Variants in LITAF observed in about 807,000 individuals in gnomAD.
The protein encoded by LITAF is lipopolysaccharide induced TNF factor, also known as lipopolysaccharide-induced tumor necrosis factor-alpha factor.
A neutral mutation model predicts 14.5 loss-of-function variants in LITAF; 9 were observed. That is an observed-to-expected ratio of 0.62 (90% CI 0.37 to 1.08). LITAF has a LOEUF of 1.08. Among genes scored for constraint, LITAF ranks in the 50% least tolerant of loss-of-function variants. LITAF has a pLI of 0.01. For synonymous variants in LITAF, 98 were observed against 88.2 expected (o/e 1.11, Z -0.62); for missense variants, 206 against 213.4 (o/e 0.97, Z 0.22).
At chr16:11,639,757 G>A (rs558662653), upstream of LITAF, among the ~76,000 whole-genome samples, 1 of 152,254 alleles carries the variant, frequency 6.6e-6, no homozygotes, top group South Asian at 2.1e-4. Context: ...CAATTTGGGA[G>A]GCCGAGGAGG....
At chr16:11,568,748 C>T (rs1367676190) in intron 1 of LITAF, among the ~76,000 whole-genome samples, 3 of 150,962 alleles carry the variant, frequency 2.0e-5, no homozygotes, top group Admixed American at 6.6e-5. Flanking sequence ...GCCACGACCT[C>T]GGCTCACTGC....
chr16:11,602,133 G>A (rs754064894), upstream of LITAF, among the ~76,000 whole-genome samples: 2 of 152,140 alleles, frequency 1.3e-5, no homozygotes, highest in Non-Finnish European at 2.9e-5. Flanking sequence ...AGGCCGAGGC[G>A]GACGGATTGC....
rs145581771 is a variant in LITAF at position 11,613,734 on chromosome 16, G to A, written c.85+19799C>T. Among the ~76,000 whole-genome samples, 6 of 152,330 alleles carry A rather than the reference G, an allele frequency of 3.9e-5. No homozygotes were observed. The East Asian group carries it at 5.8e-4, about 15-fold the overall frequency. ...CCGGACGGAGGGTGTGGCGTGTGCCGGCTAGGCAGTTCACACTGGTGGAAC... is the reference window on the plus strand; with the variant it reads ...CCGGACGGAGGGTGTGGCGTGTGCCAGCTAGGCAGTTCACACTGGTGGAAC... On this transcript the variant is annotated intron_variant, in intron 3 of 3. Coordinates refer to the LITAF transcript ENST00000574848.
Position 11,592,762 on chromosome 16 carries a change from A to C in LITAF, c.-6+5626T>G, listed in dbSNP as rs568433071. On this transcript the variant is annotated intron_variant, in intron 1 of 3. Coordinates refer to the LITAF transcript ENST00000571627. Reference sequence around the variant, plus strand: ...TACAAAAAAAAATTTGGGGTCGGGCACGGTGGCTCATGCCTGTAATCCTAA... The same window carrying C: ...TACAAAAAAAAATTTGGGGTCGGGCCCGGTGGCTCATGCCTGTAATCCTAA... 4.1e-3 allele frequency among the ~76,000 whole-genome samples: 617 copies of C among 152,076 alleles called. 3 individuals carry two copies. The highest frequency in any genetic ancestry group is 0.021 in the South Asian group (103 of 4,814).
chr16:11,623,470 GCCAGCATGGTGAAACC>G (rs2065063710), intron 3 of LITAF, among the ~76,000 whole-genome samples: 1 of 151,266 alleles, frequency 6.6e-6, no homozygotes, highest in Admixed American at 6.6e-5. Flanking sequence ...AACCAGCCCG[GCCAGCATGGTGAAACC>G]CCATCTCTAC....
chr16:11,561,300 C>A (rs2064361567), intron 1 of LITAF: 1 of 152,230 alleles, frequency 6.6e-6, no homozygotes, highest in South Asian at 2.1e-4. Context: ...CCTGCAAAAA[C>A]CACGGCCTCT....
chr16:11,598,730 T>C (rs74411503), upstream of LITAF, among the ~76,000 whole-genome samples: 184 of 152,230 alleles, frequency 1.2e-3, no homozygotes, highest in African/African-American at 4.3e-3. Context: ...CCAGAACCTA[T>C]GTTTTTGTTC....
At position 11,573,086 on chromosome 16, in the gene LITAF, G is replaced by A. The variant is rs181198695; in HGVS notation, c.-6+13800C>T. Among the ~76,000 whole-genome samples, 182 of 152,006 alleles carry A rather than the reference G, an allele frequency of 1.2e-3. 1 individual carries two copies. Among genetic ancestry groups the A allele is most frequent in the African/African-American group, 4.0e-3 (167 of 41,460 alleles). The stretch of plus-strand genomic sequence containing the variant: ...TGGGACTACAGGCGTGTGCCACCAC[G>A]CCTGGCTAACTTTTTGTATTTTTGG... On this transcript the variant is annotated intron_variant, in intron 1 of 3. Transcript: ENST00000622633.
chr16:11,597,336 C>A (rs908346263), intron 1 of LITAF, among the ~76,000 whole-genome samples: 1 of 152,092 alleles, frequency 6.6e-6, no homozygotes, highest in African/African-American at 2.4e-5. Flanking sequence ...ATTCCACAAC[C>A]CACTGGGGGT....
chr16:11,611,645 C>A (rs1303777954), intron 3 of LITAF, among the ~76,000 whole-genome samples: 2 of 150,826 alleles, frequency 1.3e-5, no homozygotes, highest in Non-Finnish European at 3.0e-5. Flanking sequence ...TTTTTTCTTT[C>A]TTTCTTTTCT....
At chr16:11,566,603 ACAAT>A (rs766488535) in intron 1 of LITAF, among the ~76,000 whole-genome samples, 23 of 152,188 alleles carry the variant, frequency 1.5e-4, no homozygotes, top group Non-Finnish European at 3.1e-4. Flanking sequence ...ATCTCTACTA[ACAAT>A]CAAACAAATC....
At chr16:11,592,853 T>C (rs906133109) in intron 1 of LITAF, among the ~76,000 whole-genome samples, 2 of 151,912 alleles carry the variant, frequency 1.3e-5, no homozygotes, top group African/African-American at 4.8e-5. Flanking sequence ...CTGGCCTATG[T>C]GGCGAAACCC....
intron 3 of LITAF, chr16:11,551,921 T>A (rs1382029291): frequency 1.4e-5 from 1 of 72,850 alleles, no homozygotes; most frequent in Non-Finnish European, 2.5e-5. Context: ...GGCAATGGAC[T>A]TTTTTTTTTT....
At position 11,553,483 on chromosome 16, in the gene LITAF, C is replaced by A. The variant is rs778586892; in HGVS notation, c.377+50G>T. On this transcript the variant is annotated intron_variant, in intron 3 of 3. Coordinates refer to ENST00000622633, the MANE Select transcript of LITAF (RefSeq NM_001136472.2). The surrounding 1 kb of genome is among the most constrained non-coding windows in gnomAD (Gnocchi z 7.7). ...AGTTGAGAACCCACCCCCGCCAGCACCCAGAGAGAAGGGCAGGATGGCTTG... is the reference window on the plus strand; with the variant it reads ...AGTTGAGAACCCACCCCCGCCAGCAACCAGAGAGAAGGGCAGGATGGCTTG... The A allele has an allele frequency of 1.0e-5, 16 of 1,607,060 alleles. No individual in the cohort carries two copies. The highest frequency in any genetic ancestry group is 1.7e-5 in the Admixed American group (1 of 59,872).
rs1050034043 is a variant in LITAF at position 11,553,803 on chromosome 16, T to C, written c.221-114A>G. On this transcript the variant is annotated intron_variant, in intron 2 of 3. Transcript: ENST00000622633. This position sits in a 1 kb window ranked among gnomAD's most constrained non-coding sequence, Gnocchi z 7.7. ...GCCAGCAAATATTATATTTGTACAT[T>C]TGTGTTCATAGCATGCGTTCATCGT... 2 of 1,237,952 alleles carry C rather than the reference T, an allele frequency of 1.6e-6. No homozygotes were observed. The highest frequency in any genetic ancestry group is 2.0e-5 in the Admixed American group (1 of 50,804). 76.7% of individuals were successfully genotyped at this position (1,237,952 alleles called of 1,614,324 possible).
intron 3 of LITAF, among the ~76,000 whole-genome samples, chr16:11,617,801 G>A (rs2141888576): frequency 6.6e-6 from 1 of 152,122 alleles, no homozygotes; most frequent in East Asian, 1.9e-4. Flanking sequence ...AAGCCTCTTT[G>A]AAGGTGTTAA....
rs1253896626 is a variant in LITAF, at chr16:11,553,167, C to G, written c.377+366G>C. On this transcript the variant is annotated intron_variant, in intron 3 of 3. Coordinates refer to ENST00000622633, the MANE Select transcript of LITAF (RefSeq NM_001136472.2). This position sits in a 1 kb window ranked among gnomAD's most constrained non-coding sequence, Gnocchi z 7.7. ...GGCACAGTGGCTCACACCTGTAACCCCAGCAGTTTGGGAGGCCAAGGTGGG... is the reference window on the plus strand; with the variant it reads ...GGCACAGTGGCTCACACCTGTAACCGCAGCAGTTTGGGAGGCCAAGGTGGG... Among the ~76,000 whole-genome samples, 2 of 151,616 alleles carry G rather than the reference C, an allele frequency of 1.3e-5. No individual in the cohort carries two copies. The highest frequency in any genetic ancestry group is 3.9e-4 in the East Asian group (2 of 5,156).
chr16:11,604,644 TAAAAAAA>T (rs67633068), intron 3 of LITAF, among the ~76,000 whole-genome samples: 2 of 128,588 alleles, frequency 1.6e-5, no homozygotes, highest in Non-Finnish European at 1.6e-5. Flanking sequence ...CTGTCTCTCT[TAAAAAAA>T]AAAAAAAAAA....
intron 1 of LITAF, among the ~76,000 whole-genome samples, chr16:11,568,248 A>G (rs774251808): frequency 2.0e-5 from 3 of 150,884 alleles, no homozygotes; most frequent in African/African-American, 4.9e-5. Context: ...TGTTTGCACT[A>G]CTGCACTCCA....
Sources: allele counts gnomAD v4.1 joint callset (sites outside exome capture counted in the v4.1 genomes callset), GRCh38; gene constraint gnomAD v4.1.1; non-coding constraint Gnocchi (gnomAD v3.1); transcripts MANE v1.5; gene names NCBI Gene and HGNC (gene_info 2026-07-23, HGNC 2026-07-21).